ASTN2: variants seen among roughly 807,000 people sequenced by gnomAD.
ASTN2 encodes the protein astrotactin 2.
ASTN2 carries 54 observed loss-of-function variants against 139.8 expected under a neutral mutation model. The observed-to-expected ratio is 0.39, with a 90% confidence interval of 0.31 to 0.48. The LOEUF (loss-of-function observed/expected upper bound fraction) is 0.48, where lower values mean the gene tolerates loss of function less well. ASTN2 is among the 20% of genes least tolerant of loss of function. The pLI is 0.95. For synonymous variants in ASTN2, 756 were observed against 719.5 expected (o/e 1.05, Z -0.81); for missense variants, 1,565 against 1,725.1 (o/e 0.91, Z 1.64).
chr9:116,941,090 C>T (rs1736671463), intron 10 of ASTN2, among the ~76,000 whole-genome samples: 1 of 152,104 alleles, frequency 6.6e-6, no homozygotes, highest in South Asian at 2.1e-4. Context: ...TTGATGTTTG[C>T]ACAATGACCA....
chr9:117,303,328 C>T (rs1001711540), intron 1 of ASTN2, among the ~76,000 whole-genome samples: 3 of 152,166 alleles, frequency 2.0e-5, no homozygotes, highest in Non-Finnish European at 2.9e-5. Flanking sequence ...AAATTCCTGA[C>T]TCCAATTTCA....
At chr9:117,274,795 G>C (rs2133131110) in intron 2 of ASTN2, among the ~76,000 whole-genome samples, 1 of 152,336 alleles carries the variant, frequency 6.6e-6, no homozygotes, top group East Asian at 1.9e-4. Flanking sequence ...GTCTTCAAAA[G>C]GGGTGGGCCT....
chr9:117,237,556 T>C (rs1460607636), intron 2 of ASTN2, among the ~76,000 whole-genome samples: 1 of 152,210 alleles, frequency 6.6e-6, no homozygotes. Context: ...CTCAGCTCAC[T>C]GTAACCTCCA....
At chr9:116,537,074 C>G (rs968840469) in intron 19 of ASTN2, among the ~76,000 whole-genome samples, 11 of 152,216 alleles carry the variant, frequency 7.2e-5, no homozygotes, top group Admixed American at 3.3e-4. Context: ...CCTCCCCCAG[C>G]CTTGCTGCTG....
At chr9:116,967,607 C>T (rs1031088275) in intron 10 of ASTN2, among the ~76,000 whole-genome samples, 3 of 152,204 alleles carry the variant, frequency 2.0e-5, no homozygotes, top group Non-Finnish European at 4.4e-5. Flanking sequence ...ACATAACACG[C>T]ATGCACTCAT....
chr9:116,572,283 T>G (rs1853550374), intron 19 of ASTN2, among the ~76,000 whole-genome samples: 1 of 152,162 alleles, frequency 6.6e-6, no homozygotes, highest in South Asian at 2.1e-4. Context: ...AAAGGTCAGC[T>G]GGCCGCCTTC....
chr9:116,919,928 G>A lies in ASTN2; in HGVS notation c.1889+55280C>T, dbSNP rs1472330625. Among the ~76,000 whole-genome samples, 4 of 141,606 alleles carry A rather than the reference G, an allele frequency of 2.8e-5. No individual in the cohort carries two copies. In the South Asian group the frequency reaches 9.5e-4, roughly 34 times the overall value. The allele number at this position is 141,606 out of a possible 152,430, so 92.9% of individuals were successfully genotyped here. Reference sequence around the variant, plus strand: ...TGCACTCCAGCCTGGGTGACAGAGCGAGAATCTGTCTCAAAAAAAAAAAAA... The same window carrying A: ...TGCACTCCAGCCTGGGTGACAGAGCAAGAATCTGTCTCAAAAAAAAAAAAA... On this transcript the variant is annotated intron_variant, in intron 10 of 22. Transcript: ENST00000313400.
intron 19 of ASTN2, among the ~76,000 whole-genome samples, chr9:116,490,303 A>AAAAAAAAAAAAAAG (rs1564314423): frequency 2.9e-5 from 3 of 104,578 alleles, no homozygotes; most frequent in Admixed American, 1.0e-4. Flanking sequence ...AAAAAAAAAA[A>AAAAAAAAAAAAAAG]GGGGGCATTG....
At chr9:117,077,193 C>G (rs1252176544) in intron 5 of ASTN2, among the ~76,000 whole-genome samples, 1 of 152,098 alleles carries the variant, frequency 6.6e-6, no homozygotes, top group East Asian at 1.9e-4. Context: ...GCTCTGCCAT[C>G]AGGTGGAGAA....
intron 13 of ASTN2, among the ~76,000 whole-genome samples, chr9:116,742,997 C>T (rs527714147): frequency 9.9e-5 from 15 of 152,172 alleles, no homozygotes; most frequent in Admixed American, 3.3e-4. Context: ...CCAGTGCCAG[C>T]GCTCAGAGCC....
chr9:116,443,864 C>T (rs942695133), intron 20 of ASTN2, among the ~76,000 whole-genome samples: 18 of 152,098 alleles, frequency 1.2e-4, no homozygotes, highest in African/African-American at 4.3e-4. Context: ...TTTCTTCCCT[C>T]CTCCCTTGCA....
intron 2 of ASTN2, among the ~76,000 whole-genome samples, chr9:117,269,191 A>T (rs1834004818): frequency 6.6e-6 from 1 of 152,164 alleles, no homozygotes; most frequent in African/African-American, 2.4e-5. Context: ...AGGTGCTTAC[A>T]TTTCAGCAAA....
chr9:116,696,267 C>G (rs532401930), intron 16 of ASTN2, among the ~76,000 whole-genome samples: 23 of 152,250 alleles, frequency 1.5e-4, no homozygotes, highest in African/African-American at 5.5e-4. Flanking sequence ...CAGTTTTAAT[C>G]TAAGGATAAT....
intron 19 of ASTN2, chr9:116,584,359 C>T (rs1854067527): frequency 1.3e-5 from 2 of 152,110 alleles, no homozygotes; most frequent in African/African-American, 4.8e-5. Context: ...TGATCTCTCA[C>T]TGGACAAATG....
intron 1 of ASTN2, among the ~76,000 whole-genome samples, chr9:117,339,013 A>G (rs1828980791): frequency 6.6e-6 from 1 of 152,024 alleles, no homozygotes; most frequent in Non-Finnish European, 1.5e-5. Flanking sequence ...ACTGCGGGTG[A>G]TGATGGGGGA....
intron 19 of ASTN2, among the ~76,000 whole-genome samples, chr9:116,580,701 G>T (rs1470728880): frequency 6.6e-6 from 1 of 152,136 alleles, no homozygotes; most frequent in Non-Finnish European, 1.5e-5. Flanking sequence ...TTGGCACCAA[G>T]AAATTAATCT....
Position 117,414,261 on chromosome 9 carries a change from G to T in ASTN2, c.442+236C>A, listed in dbSNP as rs1322177963. On this transcript the variant is annotated intron_variant, in intron 1 of 22. Coordinates refer to ENST00000313400, the MANE Select transcript of ASTN2 (RefSeq NM_001365068.1). The surrounding 1 kb of genome is among the most constrained non-coding windows in gnomAD (Gnocchi z 4.2). Reference sequence around the variant, plus strand: ...TCGGGACTGAGAGGCAGAGGGGCAGGTTCCCACTGCGGGAGGGTTGGCACG... The same window carrying T: ...TCGGGACTGAGAGGCAGAGGGGCAGTTTCCCACTGCGGGAGGGTTGGCACG... Among the ~76,000 whole-genome samples, 2 of 152,154 alleles carry T rather than the reference G, an allele frequency of 1.3e-5. No individual in the cohort carries two copies. The highest frequency in any genetic ancestry group is 2.4e-5 in the African/African-American group (1 of 41,468).
intron 16 of ASTN2, among the ~76,000 whole-genome samples, chr9:116,703,078 A>C (rs1330363258): frequency 6.6e-6 from 1 of 151,654 alleles, no homozygotes; most frequent in African/African-American, 2.4e-5. Context: ...TGGTTGAACT[A>C]GTTTACAGTC....
chr9:116,779,169 A>C (rs1228329567), intron 13 of ASTN2, among the ~76,000 whole-genome samples: 1 of 152,076 alleles, frequency 6.6e-6, no homozygotes, highest in Non-Finnish European at 1.5e-5. Flanking sequence ...ATGTGTTGCA[A>C]ATTTAATCCC....
Sources: allele counts gnomAD v4.1 joint callset (sites outside exome capture counted in the v4.1 genomes callset), GRCh38; gene constraint gnomAD v4.1.1; non-coding constraint Gnocchi (gnomAD v3.1); transcripts MANE v1.5; gene names NCBI Gene and HGNC (gene_info 2026-07-23, HGNC 2026-07-21).